Variants in ERC1 observed in about 807,000 individuals in gnomAD.
ERC1 encodes the protein RAB6 interacting protein 2.
Under a neutral mutation model 132.0 loss-of-function variants are expected in ERC1, and 56 were observed. That is an observed-to-expected ratio of 0.42 (90% CI 0.34 to 0.53). The LOEUF (loss-of-function observed/expected upper bound fraction) is 0.53. Ranked by LOEUF, ERC1 falls within the 20% of genes least tolerant of loss-of-function variation. The pLI is 0.03. For synonymous variants in ERC1, 478 were observed against 476.1 expected, an observed-to-expected ratio of 1.00 and a Z score of -0.05; for missense variants, 1,202 against 1,349.9, an observed-to-expected ratio of 0.89 and a Z score of 1.72.
chr12:1,333,455 C>A (rs2083052069), intron 15 of ERC1, among the ~76,000 whole-genome samples: 1 of 151,592 alleles, frequency 6.6e-6, no homozygotes. Flanking sequence ...GCCTCAGCCT[C>A]CCGAGTAGCT....
chr12:1,356,162 C>G (rs2085499739), intron 15 of ERC1, among the ~76,000 whole-genome samples: 1 of 149,870 alleles, frequency 6.7e-6, no homozygotes, highest in Non-Finnish European at 1.5e-5. Flanking sequence ...TGAGATCACA[C>G]CACTGCACTC....
intron 13 of ERC1, among the ~76,000 whole-genome samples, chr12:1,260,358 T>C (rs1347282435): frequency 6.6e-6 from 1 of 152,232 alleles, no homozygotes; most frequent in Admixed American, 6.5e-5. Flanking sequence ...TTTCAAGATG[T>C]TTTCTTTCCT....
chr12:1,375,095 A>G (rs569754019), intron 16 of ERC1, among the ~76,000 whole-genome samples: 138 of 122,950 alleles, frequency 1.1e-3, no homozygotes, highest in South Asian at 3.9e-3. Context: ...CATCTGGCAG[A>G]CATTCTGTGT....
At chr12:1,054,810 G>A (rs1972644100) in intron 2 of ERC1, among the ~76,000 whole-genome samples, 1 of 152,154 alleles carries the variant, frequency 6.6e-6, no homozygotes, top group Non-Finnish European at 1.5e-5. Context: ...TCAAAAGGGG[G>A]CAGGGTAGAA....
chr12:1,271,264 A>G (rs368626260), intron 14 of ERC1, among the ~76,000 whole-genome samples: 4 of 152,324 alleles, frequency 2.6e-5, no homozygotes, highest in South Asian at 4.1e-4. Context: ...AGATCAGGCA[A>G]TAGCTGAAGA....
intron 17 of ERC1, among the ~76,000 whole-genome samples, chr12:1,408,775 G>A (rs769017609): frequency 6.6e-6 from 1 of 152,248 alleles, no homozygotes; most frequent in Non-Finnish European, 1.5e-5. Flanking sequence ...AAGGAAAATT[G>A]TTGCCTTCAA....
intron 15 of ERC1, among the ~76,000 whole-genome samples, chr12:1,343,386 G>C (rs75017261): frequency 3.6e-3 from 553 of 152,248 alleles, no homozygotes; most frequent in African/African-American, 0.013. Context: ...TTCAGTTCCA[G>C]TGCTCCGCTG....
intron 12 of ERC1, among the ~76,000 whole-genome samples, chr12:1,219,811 G>A (rs117370464): frequency 0.018 from 2,718 of 151,916 alleles, 41 homozygotes; most frequent in Non-Finnish European, 0.029. Flanking sequence ...TAATTTTTGT[G>A]TTTTTTGTAG....
chr12:1,168,501 G>A (rs1241081694), intron 8 of ERC1, among the ~76,000 whole-genome samples: 1 of 30,528 alleles, frequency 3.3e-5, no homozygotes, highest in African/African-American at 1.5e-4. Context: ...TTTTTTTTTT[G>A]GAGGAGGAGT....
At chr12:990,359 A>AAAAAAAC (rs552215238), upstream of ERC1, 5 of 152,054 alleles carry the variant, frequency 3.3e-5, no homozygotes, top group East Asian at 3.9e-4. Context: ...TGGCTCCAAA[A>AAAAAAAC]AAAAAACAAA....
chr12:1,268,268 A>G (rs75017479), intron 14 of ERC1, among the ~76,000 whole-genome samples: 2,700 of 152,302 alleles, frequency 0.018, 49 homozygotes, highest in Admixed American at 0.037. Flanking sequence ...ATTAAGTTAT[A>G]TTTCCCTCAT....
intron 16 of ERC1, among the ~76,000 whole-genome samples, chr12:1,399,703 T>C (rs1170841562): frequency 6.6e-6 from 1 of 152,234 alleles, no homozygotes; most frequent in Non-Finnish European, 1.5e-5. Context: ...TCATTGATAC[T>C]TGTAGCATGT....
chr12:1,129,409 T>C (rs1419602555), intron 7 of ERC1, among the ~76,000 whole-genome samples: 1 of 152,196 alleles, frequency 6.6e-6, no homozygotes, highest in Admixed American at 6.5e-5. Context: ...TAGTCCTGGC[T>C]ACTCAGAAGT....
chr12:1,456,611 A>G (rs1229504162), intron 18 of ERC1, among the ~76,000 whole-genome samples: 1 of 151,994 alleles, frequency 6.6e-6, no homozygotes, highest in Admixed American at 6.6e-5. Context: ...TATCTAGTTC[A>G]TGTTATGTTT....
chr12:1,115,660 C>T, intron 6 of ERC1: 1 of 461,798 alleles, frequency 2.2e-6, no homozygotes, highest in African/African-American at 2.0e-5. Context: ...TGGACATTTC[C>T]CTATTGGTTG....
chr12:1,084,027 T>G (rs780891860), intron 3 of ERC1, among the ~76,000 whole-genome samples: 5 of 152,214 alleles, frequency 3.3e-5, no homozygotes, highest in Non-Finnish European at 7.3e-5. Context: ...ATAATGGATA[T>G]TTGCCCTGTG....
At chr12:1,363,543 C>CTTTTTTTTTTTTTTTTTTT (rs34769986) in intron 15 of ERC1, among the ~76,000 whole-genome samples, 2 of 94,336 alleles carry the variant, frequency 2.1e-5, no homozygotes, top group Non-Finnish European at 4.2e-5. Flanking sequence ...TATTTCTTTC[C>CTTTTTTTTTTTTTTTTTTT]TTTTTTTTTT....
At chr12:1,350,138 A>G (rs1200287134) in intron 15 of ERC1, among the ~76,000 whole-genome samples, 1 of 152,222 alleles carries the variant, frequency 6.6e-6, no homozygotes, top group Non-Finnish European at 1.5e-5. Context: ...AGGGAAAAAC[A>G]GAAAACAATG....
chr12:1,396,616 C>G (rs140626384), intron 16 of ERC1, among the ~76,000 whole-genome samples: 39 of 152,274 alleles, frequency 2.6e-4, no homozygotes, highest in African/African-American at 8.9e-4. Context: ...CTTTTACCAC[C>G]TCTAAAAATT....
Sources: gnomAD v4.1 joint callset for allele counts (sites outside exome capture counted in the v4.1 genomes callset) on GRCh38, gnomAD v4.1.1 for gene constraint, MANE v1.5 for transcripts, NCBI Gene and HGNC (gene_info 2026-07-23, HGNC 2026-07-21) for gene names.